The following TPO variants were observed in gnomAD, a reference collection of about 807,000 sequenced individuals.
The protein encoded by TPO is thyroid peroxidase.
Under a neutral mutation model 96.9 loss-of-function variants are expected in TPO, and 78 were observed. The ratio of observed to expected loss-of-function variants is 0.81; its 90% CI spans 0.67 to 0.97. TPO has a LOEUF of 0.97. Among genes scored for constraint, TPO ranks in the 50% least tolerant of loss-of-function variants. TPO has a pLI of 0.00. For synonymous variants in TPO, 547 were observed against 538.0 expected (o/e 1.02, Z -0.23); for missense variants, 1,252 against 1,274.8 (o/e 0.98, Z 0.27).
chr2:1,541,173 C>T (rs1680723334), intron 16 of TPO: 2 of 1,176,260 alleles, frequency 1.7e-6, no homozygotes, highest in South Asian at 1.7e-5. Flanking sequence ...CAAAAACTCA[C>T]TTGTGTAAGT....
chr2:1,471,279 G>A (rs971835947), intron 7 of TPO, among the ~76,000 whole-genome samples: 3 of 152,086 alleles, frequency 2.0e-5, no homozygotes, highest in East Asian at 1.9e-4. Flanking sequence ...TAGTCTATTC[G>A]AGCCCATAAG....
rs1671325632 is a variant in TPO at position 1,487,885 on chromosome 2, G to A, written c.1662G>A (p.Gln554=). The change falls in exon 10 of 17, where the codon CAG becomes CAA. Residue 554 remains glutamine, a synonymous_variant. Transcript: ENST00000329066. ...ARPAKLQVQD[Q]LMNEELTERL... ...CAGCCAAACTGCAGGTGCAGGATCA[G>A]CTGATGAACGAGGAGCTGACGGAAA... 1.2e-6 allele frequency: 2 copies of A among 1,614,130 alleles called. No homozygotes were observed. The highest frequency in any genetic ancestry group is 1.7e-6 in the Non-Finnish European group (2 of 1,180,060).
chr2:1,376,108 C>T (rs1661718526), intron 1 of TPO, among the ~76,000 whole-genome samples: 1 of 152,234 alleles, frequency 6.6e-6, no homozygotes, highest in Admixed American at 6.5e-5. Context: ...TCTGTTCCTC[C>T]GAGGAGTTAG....
In TPO at chr2:1,503,885, C is replaced by T. The variant is rs987193620; in HGVS notation, c.2387-63C>T. The stretch of plus-strand genomic sequence containing the variant: ...GAGAAGCACCTCCCAGAACGGGGGT[C>T]GCTCGCGGGAGATGGGGGTGCAGCC... On this transcript the variant is annotated intron_variant, in intron 13 of 16. Transcript: ENST00000329066. The T allele has an allele frequency of 4.1e-5, 66 of 1,613,298 alleles. No individual in the cohort carries two copies. The African/African-American group carries it at 4.9e-4, about 12-fold the overall frequency.
At position 1,433,473 on chromosome 2, in the gene TPO, A is replaced by G. The variant is rs746701654; in HGVS notation, c.215A>G (p.Gln72Arg). Residue 72 changes from glutamine (Q) to arginine (R), a missense_variant, in exon 4 of 17, where the codon CAG becomes CGG. Gln to Arg is a conservative substitution (Grantham distance 43). Transcript: ENST00000329066. The part of the protein sequence containing the change: ...LKKRGILSPA[Q>R]LLSFSKLPEP... ...AAAAGAGGAATCCTTTCTCCAGCTC[A>G]GCTTCTGTCTTTTTCCAAACTTCCT... is the stretch of plus-strand genomic sequence containing the variant. 6.2e-7 allele frequency: 1 copy of G among 1,614,092 alleles called. No individual in the cohort carries two copies. The highest frequency in any genetic ancestry group is 8.5e-7 in the Non-Finnish European group (1 of 1,180,042).
chr2:1,508,563 G>T (rs1040727381), intron 14 of TPO, among the ~76,000 whole-genome samples: 15 of 152,236 alleles, frequency 9.9e-5, no homozygotes, highest in African/African-American at 3.1e-4. Context: ...CAATTTCAGA[G>T]CCTGTTATTG....
At chr2:1,517,940 TC>T (rs28913017) in intron 15 of TPO, among the ~76,000 whole-genome samples, 22,458 of 150,100 alleles carry the variant, frequency 0.15, 1,775 homozygotes, top group Non-Finnish European at 0.16. Flanking sequence ...AGTGCCAGGC[TC>T]CCCCCCCCAA....
chr2:1,422,309 C>CCTGGACAGACCTAGTGCAGGTGCCGCG (rs1663670702), intron 2 of TPO, among the ~76,000 whole-genome samples: 1 of 105,778 alleles, frequency 9.5e-6, no homozygotes, highest in African/African-American at 4.0e-5. Flanking sequence ...AGGCGCCTCT[C>CCTGGACAGACCTAGTGCAGGTGCCGCG]CTGGACAGAC....
intron 15 of TPO, among the ~76,000 whole-genome samples, chr2:1,530,906 A>C (rs1349696700): frequency 5.5e-5 from 2 of 36,286 alleles, no homozygotes; most frequent in Non-Finnish European, 9.7e-5. Flanking sequence ...CAACCTCCCC[A>C]AATCCCCCCC....
intron 3 of TPO, among the ~76,000 whole-genome samples, chr2:1,424,667 A>T (rs983652161): frequency 2.6e-5 from 4 of 152,224 alleles, no homozygotes; most frequent in Non-Finnish European, 5.9e-5. Flanking sequence ...AAAAAAATAC[A>T]CTATACTATA....
rs1680888690 is a variant in TPO, at chr2:1,542,595, C to T, written c.*121C>T. 6.4e-7 allele frequency: 1 copy of T among 1,559,496 alleles called. No homozygotes were observed. The highest frequency in any genetic ancestry group is 1.4e-5 in the African/African-American group (1 of 73,536). Reference sequence around the variant, plus strand: ...GACTGTTTTCCCAACACGGGTAAATCTAGTACCATGTCGTAGTTACTCTCA... The same window carrying T: ...GACTGTTTTCCCAACACGGGTAAATTTAGTACCATGTCGTAGTTACTCTCA... On this transcript the variant is annotated 3_prime_UTR_variant, in exon 17 of 17. Coordinates refer to ENST00000329066, the MANE Select transcript of TPO (RefSeq NM_001206744.2).
At chr2:1,503,536 C>A (rs1188507722) in intron 13 of TPO, among the ~76,000 whole-genome samples, 2 of 152,178 alleles carry the variant, frequency 1.3e-5, no homozygotes, top group Admixed American at 1.3e-4. Flanking sequence ...CCAGTCCTTG[C>A]TCTCAGAGGA....
rs755536077 is a variant in TPO, at chr2:1,496,177, G to A, written c.2195G>A (p.Trp732Ter). 1 of 1,613,878 alleles carries A rather than the reference G, an allele frequency of 6.2e-7. No homozygotes were observed. Among genetic ancestry groups the A allele is most frequent in the East Asian group, 2.2e-5 (1 of 44,884 alleles). The change falls in exon 12 of 17, where the codon TGG becomes TAG. Residue 732 changes from tryptophan (W) to a stop codon, truncating the protein, a stop_gained. Coordinates refer to ENST00000329066, the MANE Select transcript of TPO (RefSeq NM_001206744.2). LOFTEE classifies it high-confidence loss of function. ...ATCACTGGCATGAACCTGGAGGCCT[G>A]GAGGGAAACCTTTCCTCAAGGTGAA... ...DSITGMNLEA[W>*]RETFPQDDKC...
chr2:1,534,802 C>T (rs59221848), intron 15 of TPO, among the ~76,000 whole-genome samples: 8 of 149,826 alleles, frequency 5.3e-5, no homozygotes, highest in South Asian at 2.1e-4. Context: ...GGTAACCTCC[C>T]CAAATCCCCC....
At chr2:1,478,915 C>A (rs1014009446) in intron 8 of TPO, among the ~76,000 whole-genome samples, 2 of 152,166 alleles carry the variant, frequency 1.3e-5, no homozygotes, top group African/African-American at 4.8e-5. Context: ...ACACGGCAGA[C>A]GAGTTCACTG....
chr2:1,538,474 A>G (rs1292749933), intron 15 of TPO, among the ~76,000 whole-genome samples: 2 of 152,148 alleles, frequency 1.3e-5, no homozygotes, highest in African/African-American at 4.8e-5. Flanking sequence ...ACCTCAATGA[A>G]TATAGAAAAT....
chr2:1,384,373 C>T (rs1233553177), intron 1 of TPO, among the ~76,000 whole-genome samples: 1 of 152,062 alleles, frequency 6.6e-6, no homozygotes, highest in Admixed American at 6.6e-5. Context: ...TGTTTGTATC[C>T]TCTTTTATTT....
At chr2:1,397,805 G>A (rs1015917996) in intron 1 of TPO, among the ~76,000 whole-genome samples, 6 of 152,200 alleles carry the variant, frequency 3.9e-5, no homozygotes, top group Admixed American at 2.6e-4. Flanking sequence ...TGTGTTTTCC[G>A]ATCCTCTCTG....
chr2:1,528,822 C>CCAAATCCTCCTACTGTGTGCAACCTCCT (rs1677268799), intron 15 of TPO, among the ~76,000 whole-genome samples: 1 of 88,680 alleles, frequency 1.1e-5, no homozygotes, highest in African/African-American at 4.8e-5. Flanking sequence ...AGCAACCTCC[C>CCAAATCCTCCTACTGTGTGCAACCTCCT]CAAATCCTCC....
Sources: allele counts gnomAD v4.1 joint callset (sites outside exome capture counted in the v4.1 genomes callset), GRCh38; gene constraint gnomAD v4.1.1; transcripts MANE v1.5; gene names NCBI Gene and HGNC (gene_info 2026-07-23, HGNC 2026-07-21).